Variants in STEAP1B observed in about 807,000 individuals in gnomAD.
STEAP1B encodes the protein STEAP family protein MGC87042.
A neutral mutation model predicts 27.9 loss-of-function variants in STEAP1B; 13 were observed. That is an observed-to-expected ratio of 0.47 (90% confidence interval 0.30 to 0.74). The LOEUF is 0.74. STEAP1B is among the 30% of genes least tolerant of loss of function. STEAP1B has a pLI of 0.06. For missense variants in STEAP1B, 250 were observed against 298.7 expected (o/e 0.84, Z 1.20); for synonymous variants, 86 against 107.1 (o/e 0.80, Z 1.22).
intron 4 of STEAP1B, among the ~76,000 whole-genome samples, chr7:22,481,996 G>A (rs1189825387): frequency 6.6e-6 from 1 of 152,168 alleles, no homozygotes; most frequent in Non-Finnish European, 1.5e-5. Flanking sequence ...CCTGCTCTGG[G>A]GAGACTGGGT....
At chr7:22,498,566 A>G (rs571329311) in intron 1 of STEAP1B, among the ~76,000 whole-genome samples, 1 of 152,360 alleles carries the variant, frequency 6.6e-6, no homozygotes, top group South Asian at 2.1e-4. Flanking sequence ...GTGAACAACA[A>G]TGTAAGGCAG....
intron 4 of STEAP1B, among the ~76,000 whole-genome samples, chr7:22,464,791 C>T (rs1053700242): frequency 6.6e-6 from 1 of 150,992 alleles, no homozygotes; most frequent in African/African-American, 2.4e-5. Context: ...AAACTCCAGC[C>T]TCCAGAACTG....
rs1786377791 is a variant in STEAP1B, at chr7:22,493,442, G to C, written c.479C>G (p.Thr160Arg). Residue 160 changes from threonine to arginine, a missense_variant, in exon 3 of 5, where the codon ACA becomes AGA. Physicochemically the swap from Thr to Arg is moderately conservative, Grantham distance 71 (BLOSUM62 -1). Coordinates refer to ENST00000678116, the MANE Select transcript of STEAP1B (RefSeq NM_001382447.1). ...ACTGAGAAGCCCAAACTGCTTTCTT[G>C]TTAACATCCACTTATCCAACCAATG... Reference protein sequence around the residue: ...FPHWLDKWMLTRKQFGLLSLF... With the variant: ...FPHWLDKWMLRRKQFGLLSLF... 1 of 1,613,400 alleles carries C rather than the reference G, an allele frequency of 6.2e-7. No individual in the cohort carries two copies. Among genetic ancestry groups the C allele is most frequent in the Non-Finnish European group, 8.5e-7 (1 of 1,179,542 alleles).
Position 22,494,872 on chromosome 7 carries a change from T to C in STEAP1B, c.-17A>G, listed in dbSNP as rs753962120. ...GCTTTCCATTAATTCTATAAAATAG[T>C]ATGGCTTCAGCCACCTGTAAAAATA... On this transcript the variant is annotated 5_prime_UTR_variant, in exon 2 of 5. It adds an upstream start codon to the 5' untranslated region. Transcript: ENST00000678116. The C allele has an allele frequency of 2.0e-6, 3 of 1,469,168 alleles. No individual in the cohort carries two copies. Among genetic ancestry groups the C allele is most frequent in the East Asian group, 4.7e-5 (2 of 42,782 alleles). The allele number at this position is 1,469,168 out of a possible 1,614,324, so 91.0% of individuals were successfully genotyped here.
At chr7:22,447,221 T>G (rs947371151) in intron 4 of STEAP1B, among the ~76,000 whole-genome samples, 6 of 152,162 alleles carry the variant, frequency 3.9e-5, no homozygotes, top group African/African-American at 1.4e-4. Flanking sequence ...CCTTATTATA[T>G]TAGGCACTTT....
intron 1 of STEAP1B, among the ~76,000 whole-genome samples, chr7:22,497,550 C>T (rs1786463175): frequency 6.6e-6 from 1 of 152,066 alleles, no homozygotes; most frequent in Non-Finnish European, 1.5e-5. Flanking sequence ...TGCCAATCAT[C>T]AAGTATTTAT....
At chr7:22,491,719 G>C (rs544732460) in intron 4 of STEAP1B, among the ~76,000 whole-genome samples, 3 of 152,254 alleles carry the variant, frequency 2.0e-5, no homozygotes, top group South Asian at 2.1e-4. Context: ...AGAAGAATCT[G>C]GGTTGAGATT....
chr7:22,449,658 C>T (rs1347071967), intron 4 of STEAP1B, among the ~76,000 whole-genome samples: 1 of 152,182 alleles, frequency 6.6e-6, no homozygotes, highest in African/African-American at 2.4e-5. Flanking sequence ...TGGGTATATA[C>T]CCAGCAGTGG....
intron 4 of STEAP1B, among the ~76,000 whole-genome samples, chr7:22,470,911 T>G (rs1415925558): frequency 6.6e-6 from 1 of 152,112 alleles, no homozygotes; most frequent in African/African-American, 2.4e-5. Context: ...CATTTCACCC[T>G]CATAATCCCT....
At chr7:22,499,884 A>AGCCCCCG (rs1424235473) in intron 1 of STEAP1B, among the ~76,000 whole-genome samples, 3 of 151,992 alleles carry the variant, frequency 2.0e-5, no homozygotes, top group Admixed American at 6.5e-5. Flanking sequence ...GGCTCCCCCC[A>AGCCCCCG]GCCCCCGGCC....
intron 4 of STEAP1B, among the ~76,000 whole-genome samples, chr7:22,457,363 G>A (rs1323775081): frequency 2.0e-5 from 3 of 152,060 alleles, no homozygotes; most frequent in Non-Finnish European, 4.4e-5. Flanking sequence ...TTCCTTTTTC[G>A]CTATAATTGT....
chr7:22,466,070 G>A (rs1785774884), intron 4 of STEAP1B, among the ~76,000 whole-genome samples: 1 of 152,128 alleles, frequency 6.6e-6, no homozygotes, highest in African/African-American at 2.4e-5. Flanking sequence ...CATTCTCAGG[G>A]TATGCTGAAG....
At chr7:22,478,112 C>T (rs1167086685) in intron 4 of STEAP1B, among the ~76,000 whole-genome samples, 2 of 152,198 alleles carry the variant, frequency 1.3e-5, no homozygotes, top group African/African-American at 4.8e-5. Flanking sequence ...GACTCAGGCC[C>T]AGACAGGTCC....
chr7:22,420,496 T>G (rs778530144), intron 4 of STEAP1B, among the ~76,000 whole-genome samples: 2 of 152,240 alleles, frequency 1.3e-5, no homozygotes, highest in Non-Finnish European at 2.9e-5. Context: ...AGGGGTGGCT[T>G]GAAGTCAGCC....
chr7:22,464,635 A>G (rs996445248), intron 4 of STEAP1B, among the ~76,000 whole-genome samples: 1 of 151,914 alleles, frequency 6.6e-6, no homozygotes, highest in Non-Finnish European at 1.5e-5. Context: ...GTGTCCTTAT[A>G]AGAGGAGGAA....
At chr7:22,486,666 C>G (rs573475382) in intron 4 of STEAP1B, among the ~76,000 whole-genome samples, 1 of 152,240 alleles carries the variant, frequency 6.6e-6, no homozygotes, top group East Asian at 1.9e-4. Flanking sequence ...CTACCTCAGG[C>G]AATCTCCACA....
At chr7:22,478,192 C>T (rs150516670) in intron 4 of STEAP1B, among the ~76,000 whole-genome samples, 111 of 152,292 alleles carry the variant, frequency 7.3e-4, no homozygotes, top group African/African-American at 2.1e-3. Context: ...AGATAACTGC[C>T]GCTCTTCTCA....
At chr7:22,430,386 G>T (rs1372189058) in intron 4 of STEAP1B, among the ~76,000 whole-genome samples, 8 of 152,138 alleles carry the variant, frequency 5.3e-5, no homozygotes, top group Non-Finnish European at 1.0e-4. Context: ...TCTCCTCCTT[G>T]TTACCACCAG....
chr7:22,495,065 C>A (rs1333922088), intron 1 of STEAP1B, among the ~76,000 whole-genome samples, 179 bp from the exon 2 acceptor site: 1 of 152,132 alleles, frequency 6.6e-6, no homozygotes, highest in Non-Finnish European at 1.5e-5. Context: ...AGTTTCAAAC[C>A]AATGCCCTCT....
Sources: gnomAD v4.1 joint callset for allele counts (sites outside exome capture counted in the v4.1 genomes callset) on GRCh38, gnomAD v4.1.1 for gene constraint, MANE v1.5 for transcripts, NCBI Gene and HGNC (gene_info 2026-07-23, HGNC 2026-07-21) for gene names.